Variants in LHPP observed in about 807,000 individuals in gnomAD.
LHPP encodes the protein hLHPP.
LHPP carries 24 observed loss-of-function variants against 30.3 expected under a neutral mutation model. That is an observed-to-expected ratio of 0.79 (90% CI 0.57 to 1.11). The LOEUF is 1.11. Ranked by LOEUF, LHPP falls within the 50% of genes most tolerant of loss-of-function variation. LHPP has a pLI of 0.00. For missense variants in LHPP, 356 were observed against 367.2 expected (o/e 0.97, Z 0.25); for synonymous variants, 150 against 157.1 (o/e 0.95, Z 0.34).
chr10:124,518,502 C>T (rs1012346254), intron 6 of LHPP, among the ~76,000 whole-genome samples: 1 of 152,252 alleles, frequency 6.6e-6, no homozygotes, highest in Non-Finnish European at 1.5e-5. Flanking sequence ...TGCTGCCTGG[C>T]GTCAGCCGTC....
At chr10:124,524,988 C>T (rs1954696681) in intron 6 of LHPP, among the ~76,000 whole-genome samples, 1 of 152,212 alleles carries the variant, frequency 6.6e-6, no homozygotes, top group Non-Finnish European at 1.5e-5. Context: ...TATCAGCTCC[C>T]CAGAAGACCT....
At chr10:124,466,980 C>T (rs754973082) in intron 1 of LHPP, among the ~76,000 whole-genome samples, 40 of 151,370 alleles carry the variant, frequency 2.6e-4, no homozygotes, top group Admixed American at 5.9e-4. Flanking sequence ...AAAAATTAGC[C>T]GGGCATGGTG....
At chr10:124,482,958 C>T (rs1953189124) in intron 1 of LHPP, among the ~76,000 whole-genome samples, 2 of 152,232 alleles carry the variant, frequency 1.3e-5, no homozygotes, top group Admixed American at 6.5e-5. Context: ...CTCACGACTA[C>T]AGCTCTGTGC....
At chr10:124,542,797 T>A (rs1955230654) in intron 6 of LHPP, among the ~76,000 whole-genome samples, 1 of 152,116 alleles carries the variant, frequency 6.6e-6, no homozygotes, top group Non-Finnish European at 1.5e-5. Context: ...CTCTGCCCTC[T>A]CGCCTCCCCT....
At chr10:124,579,454 G>A (rs1564839996) in intron 6 of LHPP, among the ~76,000 whole-genome samples, 2 of 152,332 alleles carry the variant, frequency 1.3e-5, no homozygotes, top group Middle Eastern at 3.4e-3. Context: ...CCAGAACTGT[G>A]CTGTAGCATT....
At chr10:124,558,389 G>A (rs527735107) in intron 6 of LHPP, among the ~76,000 whole-genome samples, 3 of 152,342 alleles carry the variant, frequency 2.0e-5, no homozygotes, top group Non-Finnish European at 2.9e-5. Flanking sequence ...AGATGAGGGC[G>A]ACAGGAGGAG....
chr10:124,606,698 G>T (rs1949097493), intron 6 of LHPP, among the ~76,000 whole-genome samples: 1 of 152,262 alleles, frequency 6.6e-6, no homozygotes, highest in African/African-American at 2.4e-5. Context: ...AGAGCAGGGT[G>T]CTCAGCTGTC....
intron 1 of LHPP, among the ~76,000 whole-genome samples, chr10:124,482,514 C>T (rs1953172929): frequency 6.6e-6 from 1 of 152,182 alleles, no homozygotes; most frequent in Admixed American, 6.5e-5. Flanking sequence ...CACTGCAGCT[C>T]CATGCAGATG....
At chr10:124,477,784 C>G (rs923656078) in intron 1 of LHPP, among the ~76,000 whole-genome samples, 1 of 152,226 alleles carries the variant, frequency 6.6e-6, no homozygotes, top group Non-Finnish European at 1.5e-5. Flanking sequence ...TCCAGCCTCA[C>G]TTTGTGGGCC....
At position 124,496,870 on chromosome 10, in the gene LHPP, G is replaced by T; in HGVS notation, c.468-91G>T. 4 of 1,194,228 alleles carry T rather than the reference G, an allele frequency of 3.3e-6. No homozygotes were observed. The highest frequency in any genetic ancestry group is 4.8e-6 in the Non-Finnish European group (4 of 825,130). The allele number at this position is 1,194,228 out of a possible 1,614,324, so 74.0% of individuals were successfully genotyped here. ...CCGCGGCTTGGCTCTGCAGCCAGCGGGACAGGCCCGGTGCTCAGCTCCCGA... is the reference window on the plus strand; with the variant it reads ...CCGCGGCTTGGCTCTGCAGCCAGCGTGACAGGCCCGGTGCTCAGCTCCCGA... On this transcript the variant is annotated intron_variant, in intron 3 of 6. Transcript: ENST00000368842. This position sits in a 1 kb window ranked among gnomAD's most constrained non-coding sequence, Gnocchi z 4.3.
chr10:124,513,233 TG>T (rs1340156503), intron 5 of LHPP, among the ~76,000 whole-genome samples: 1 of 151,692 alleles, frequency 6.6e-6, no homozygotes, highest in African/African-American at 2.4e-5. Flanking sequence ...GCTAATTTTT[TG>T]TATTTTAATA....
At chr10:124,528,490 C>G (rs1167859274) in intron 6 of LHPP, among the ~76,000 whole-genome samples, 1 of 152,182 alleles carries the variant, frequency 6.6e-6, no homozygotes, top group African/African-American at 2.4e-5. Context: ...TTCCAAGTAG[C>G]TGGGAATACA....
chr10:124,600,859 T>G (rs2134011112), intron 6 of LHPP, among the ~76,000 whole-genome samples: 1 of 152,332 alleles, frequency 6.6e-6, no homozygotes, highest in Admixed American at 6.5e-5. Context: ...TGTGTGCTCA[T>G]TAGGAGCCAA....
At position 124,487,687 on chromosome 10, in the gene LHPP, G is replaced by A. The variant is rs1419005510; in HGVS notation, c.314-735G>A. Among the ~76,000 whole-genome samples, 3 of 152,104 alleles carry A rather than the reference G, an allele frequency of 2.0e-5. No individual in the cohort carries two copies. In the East Asian group the frequency reaches 5.8e-4, roughly 29 times the overall value. On this transcript the variant is annotated intron_variant, in intron 2 of 6. Transcript: ENST00000368842. ...TCGAACTCCTGAACTCAGGCGATCC[G>A]CCCACCTTGACCTCCCAAAGTGCTG...
At chr10:124,580,601 C>T (rs1439644967) in intron 6 of LHPP, among the ~76,000 whole-genome samples, 1 of 151,970 alleles carries the variant, frequency 6.6e-6, no homozygotes, top group Non-Finnish European at 1.5e-5. Flanking sequence ...ATCTTTAAAG[C>T]TTTATTGAGA....
chr10:124,599,378 T>G (rs192761066), intron 6 of LHPP, among the ~76,000 whole-genome samples: 51 of 152,368 alleles, frequency 3.3e-4, no homozygotes, highest in African/African-American at 1.2e-3. Context: ...GGGGCTCTTT[T>G]CAGCTGCACT....
chr10:124,613,428 C>G lies in LHPP; in HGVS notation c.*68C>G. The G allele has an allele frequency of 1.9e-6, 2 of 1,046,018 alleles. No homozygotes were observed. Among genetic ancestry groups the G allele is most frequent in the Non-Finnish European group, 2.9e-6 (2 of 690,208 alleles). The allele number at this position is 1,046,018 out of a possible 1,614,324, so 64.8% of individuals were successfully genotyped here. A position where few individuals can be genotyped will look rare whatever the true frequency, so the allele number is the denominator to read the frequency against. ...CTCCACCCCTGCCTCCCCTCCACCC[C>G]TGCCTCTCCTCCACCCGCCCAGGAG... On this transcript the variant is annotated 3_prime_UTR_variant, in exon 7 of 7. Coordinates refer to ENST00000368842, the MANE Select transcript of LHPP (RefSeq NM_022126.4).
chr10:124,519,261 C>A (rs1438193338), intron 6 of LHPP, among the ~76,000 whole-genome samples: 1 of 152,094 alleles, frequency 6.6e-6, no homozygotes, highest in Non-Finnish European at 1.5e-5. Flanking sequence ...GAGAGAGAAA[C>A]TCCATCAACA....
intron 6 of LHPP, among the ~76,000 whole-genome samples, chr10:124,580,545 C>A (rs1368536749): frequency 6.6e-6 from 1 of 152,162 alleles, no homozygotes; most frequent in Non-Finnish European, 1.5e-5. Flanking sequence ...TATAATGCCA[C>A]CTCTGTCATG....
Sources: gnomAD v4.1 joint callset for allele counts (sites outside exome capture counted in the v4.1 genomes callset) on GRCh38, gnomAD v4.1.1 for gene constraint, Gnocchi (gnomAD v3.1) non-coding constraint, MANE v1.5 for transcripts, NCBI Gene and HGNC (gene_info 2026-07-23, HGNC 2026-07-21) for gene names.